Variants in QARS1 observed in about 807,000 individuals in gnomAD.
QARS1 encodes glutaminyl-tRNA synthetase 1.
Under a neutral mutation model 106.9 loss-of-function variants are expected in QARS1, and 79 were observed. The ratio of observed to expected loss-of-function variants is 0.74; its 90% CI spans 0.62 to 0.89. The LOEUF is 0.89. Among genes scored for constraint, QARS1 ranks in the 40% least tolerant of loss-of-function variants. The probability of loss-of-function intolerance (pLI) is 0.00; values close to 1 mark genes in which losing one functional copy is unlikely to be tolerated. For missense variants in QARS1, 966 were observed against 997.2 expected, an observed-to-expected ratio of 0.97 and a Z score of 0.42; for synonymous variants, 395 against 367.7, an observed-to-expected ratio of 1.07 and a Z score of -0.85.
rs1456791515 is a variant in QARS1, at chr3:49,099,842, G to T, written c.1307C>A (p.Pro436His). The change falls in exon 15 of 24, where the codon CCC becomes CAC. Residue 436 changes from proline (P) to histidine (H), a missense_variant. Coordinates refer to ENST00000306125, the MANE Select transcript of QARS1 (RefSeq NM_005051.3). ...GAGGCAGTGTGTGTAGTCGTAGGTG[G>T]GATAGATGCACCTGTGGGGCATAGG... ...HRTGDKWCIY[P>H]TYDYTHCLCD... 1 of 1,613,866 alleles carries T rather than the reference G, an allele frequency of 6.2e-7. No individual in the cohort carries two copies. Among genetic ancestry groups the T allele is most frequent in the Admixed American group, 1.7e-5 (1 of 59,998 alleles).
At position 49,099,782 on chromosome 3, in the gene QARS1, C is replaced by T; in HGVS notation, c.1367G>A (p.Cys456Tyr). The T allele has an allele frequency of 6.2e-7, 1 of 1,613,984 alleles. No homozygotes were observed. Among genetic ancestry groups the T allele is most frequent in the Non-Finnish European group, 8.5e-7 (1 of 1,180,014 alleles). ...DSIEHITHSL[C>Y]TKEFQARRSS... ...TCACCGGGCCTGGAATTCCTTGGTG[C>T]AGAGTGAGTGAGTGATGTGCTCGAT... Residue 456 changes from cysteine (C) to tyrosine (Y), a missense_variant, in exon 15 of 24, where the codon TGC (cysteine) becomes TAC (tyrosine). Physicochemically the swap from Cys to Tyr is radical, Grantham distance 194. Transcript: ENST00000306125.
chr3:49,104,539 A>G, intron 1 of QARS1, 68 bp from the exon 2 acceptor site: 17 of 1,604,068 alleles, frequency 1.1e-5, no homozygotes, highest in Non-Finnish European at 1.3e-5. Flanking sequence ...CAAACGGGGC[A>G]GGTCGGGATC....
chr3:49,103,323 C>T, intron 5 of QARS1, 22 bp downstream of exon 5: 3 of 1,613,380 alleles, frequency 1.9e-6, no homozygotes, highest in Non-Finnish European at 2.5e-6. Flanking sequence ...TTGCCAGCTT[C>T]AGCTTAGTGA....
Position 49,101,903 on chromosome 3 carries a change from T to C in QARS1, c.632-4A>G, listed in dbSNP as rs777272414. The C allele has an allele frequency of 1.3e-5, 21 of 1,607,516 alleles. No individual in the cohort carries two copies. The South Asian group carries it at 2.3e-4, about 18-fold the overall frequency. On this transcript the variant is annotated splice_polypyrimidine_tract_variant and splice_region_variant and intron_variant, in intron 7 of 23. Transcript: ENST00000306125. ...AGGGTCTGGTCAGCAGTCTCGCCTG[T>C]GGGGAACAAAACAAGGAAAACTTGT...
intron 23 of QARS1, among the ~76,000 whole-genome samples, chr3:49,097,500 T>TA (rs909564672): frequency 5.9e-4 from 78 of 131,614 alleles, no homozygotes; most frequent in East Asian, 4.0e-3. Context: ...AAATAATAAT[T>TA]AAAAAAAAAA....
Position 49,098,225 on chromosome 3 carries a change from C to T in QARS1, c.2118G>A (p.Glu706=). Residue 706 remains glutamate (E), a synonymous_variant, in exon 22 of 24, where the codon GAG becomes GAA. Coordinates refer to ENST00000306125, the MANE Select transcript of QARS1 (RefSeq NM_005051.3). ...GGTCACTTAAAAATCCACCAGGCAC[C>T]TCAGTAGGATCTTCAGGGTTCTTGT... ...FQHKNPEDPT[E]VPGGFLSDLN... 1.2e-6 allele frequency: 2 copies of T among 1,614,202 alleles called. No individual in the cohort carries two copies. The highest frequency in any genetic ancestry group is 1.7e-6 in the Non-Finnish European group (2 of 1,180,030).
intron 2 of QARS1, 74 bp from the exon 3 acceptor site, chr3:49,104,046 A>C (rs1490276086): frequency 7.3e-7 from 1 of 1,377,282 alleles, no homozygotes; most frequent in African/African-American, 1.4e-5. Flanking sequence ...TAATCTCATG[A>C]AACTCCAAGG....
rs747163409 is a variant in QARS1, at chr3:49,104,718, A to C, written c.16T>G (p.Ser6Ala). The stretch of plus-strand genomic sequence containing the variant: ...CCGAGGCTAGTGAAGAGCGACAGGG[A>C]GTCTAGAGCCGCCATTGCAGAGACA... MAALD[S>A]LSLFTSLGLS... Residue 6 changes from serine (S) to alanine (A), a missense_variant, in exon 1 of 24, where the codon TCC (serine) becomes GCC (alanine). Ser to Ala is a moderately conservative substitution (Grantham distance 99, BLOSUM62 1). Transcript: ENST00000306125. The C allele has an allele frequency of 1.2e-6, 2 of 1,612,486 alleles. No homozygotes were observed. The highest frequency in any genetic ancestry group is 2.7e-5 in the African/African-American group (2 of 74,888).
chr3:49,096,066 C>CTGGA lies in QARS1; in HGVS notation c.2290_2291insTCCA (p.Arg764LeufsTer19). 1 of 1,613,782 alleles carries CTGGA rather than the reference C, an allele frequency of 6.2e-7. No individual in the cohort carries two copies. Among genetic ancestry groups the CTGGA allele is most frequent in the Admixed American group, 1.7e-5 (1 of 59,966 alleles). On this transcript the variant is annotated frameshift_variant, in exon 24 of 24. Transcript: ENST00000306125. LOFTEE classifies it high-confidence loss of function. The stretch of plus-strand genomic sequence containing the variant: ...TGGGTCTTCCTTCAGTGTGACAGTT[C>CTGGA]GGTTAAAGACAAGCTGGAGGGCAGA...
At position 49,098,615 on chromosome 3, in the gene QARS1, C is replaced by T. The variant is rs771253717; in HGVS notation, c.1941G>A (p.Leu647=). ...TGGCTCTCACCTTGACAACATGCTG[C>T]AGCTCAATGACGTAGCCTGTATGCC... ...GLRHTGYVIE[L]QHVVKGPSGC... Residue 647 remains leucine (L), a synonymous_variant, in exon 20 of 24, where the codon CTG becomes CTA. Transcript: ENST00000306125. 1.2e-6 allele frequency: 2 copies of T among 1,611,354 alleles called. No homozygotes were observed. The highest frequency in any genetic ancestry group is 2.2e-5 in the East Asian group (1 of 44,848).
chr3:49,098,305 G>C, intron 21 of QARS1, 47 bp from the exon 22 acceptor site: 2 of 1,614,214 alleles, frequency 1.2e-6, no homozygotes, highest in Non-Finnish European at 1.7e-6. Context: ...AGCCATAGCA[G>C]GCAATGTGCA....
Position 49,099,146 on chromosome 3 carries a change from T to G in QARS1, c.1722A>C (p.Ser574=). The change falls in exon 18 of 24, where the codon TCA becomes TCC. Residue 574 remains serine (S), a synonymous_variant. Transcript: ENST00000306125. ...GAAAGTTGGTGATGATGACCCGTAG[T>G]GACTCCAGCACAGCCATGGCTCGTG... ...TAPRAMAVLE[S]LRVIITNFPA... The G allele has an allele frequency of 6.2e-7, 1 of 1,614,178 alleles. No homozygotes were observed. The highest frequency in any genetic ancestry group is 8.5e-7 in the Non-Finnish European group (1 of 1,180,030).
intron 23 of QARS1, among the ~76,000 whole-genome samples, chr3:49,096,697 G>C (rs1236263264): frequency 6.6e-6 from 1 of 150,584 alleles, no homozygotes; most frequent in East Asian, 1.9e-4. Context: ...CTATTTGGGA[G>C]GCTGAGGCGG....
chr3:49,096,816 A>AAAAAAAAAAAAG (rs2042399015), intron 23 of QARS1, among the ~76,000 whole-genome samples: 4 of 134,776 alleles, frequency 3.0e-5, no homozygotes, highest in Non-Finnish European at 6.5e-5. Context: ...AAAAAAAAAA[A>AAAAAAAAAAAAG]AAAAAAAAAA....
At chr3:49,097,953 C>T (rs1297914216) in intron 23 of QARS1, 39 bp downstream of exon 23, 4 of 1,612,298 alleles carry the variant, frequency 2.5e-6, no homozygotes, top group Middle Eastern at 1.6e-4. Flanking sequence ...CAGCCACTGT[C>T]ACTGCTGCAG....
Position 49,103,374 on chromosome 3 carries a change from T to C in QARS1, c.487A>G (p.Lys163Glu), listed in dbSNP as rs1398173228. 25 of 1,613,980 alleles carry C rather than the reference T, an allele frequency of 1.5e-5. No homozygotes were observed. Among genetic ancestry groups the C allele is most frequent in the Non-Finnish European group, 2.1e-5 (25 of 1,180,032 alleles). ...ARAVLKWADGKMIKNEVDMQV... is the reference protein window; with the variant it reads ...ARAVLKWADGEMIKNEVDMQV... ...ATGTCCACTTCATTCTTGATCATTTTGCCATCTGCCCACTTCAGCACAGCC... is the reference window on the plus strand; with the variant it reads ...ATGTCCACTTCATTCTTGATCATTTCGCCATCTGCCCACTTCAGCACAGCC... The change falls in exon 5 of 24, where the codon AAA becomes GAA. Residue 163 changes from lysine (K) to glutamate (E), a missense_variant. Coordinates refer to ENST00000306125, the MANE Select transcript of QARS1 (RefSeq NM_005051.3).
rs1349179437 is a variant in QARS1, at chr3:49,099,993, C to T, written c.1263G>A (p.Lys421=). The T allele has an allele frequency of 6.2e-7, 1 of 1,614,078 alleles. No individual in the cohort carries two copies. The highest frequency in any genetic ancestry group is 8.5e-7 in the Non-Finnish European group (1 of 1,180,046). ...GKMDPVAYRV[K]YTPHHRTGDK... ...CCCCTGTGCGGTGGTGTGGTGTATA[C>T]TTGACTCGATAGGCTACAGGGTCCA... is the stretch of plus-strand genomic sequence containing the variant. Residue 421 remains lysine (K), a synonymous_variant, in exon 14 of 24, where the codon AAG becomes AAA. Coordinates refer to ENST00000306125, the MANE Select transcript of QARS1 (RefSeq NM_005051.3).
At chr3:49,096,164 C>G (rs1402256558) in intron 23 of QARS1, 85 bp from the exon 24 acceptor site, 73 of 1,405,710 alleles carry the variant, frequency 5.2e-5, no homozygotes, top group East Asian at 9.2e-5. Context: ...ACACCTCCCC[C>G]TAACATCCTT....
At chr3:49,102,074 G>A in intron 7 of QARS1, 131 bp downstream of exon 7, 1 of 1,356,208 alleles carries the variant, frequency 7.4e-7, no homozygotes, top group Non-Finnish European at 1.0e-6. Flanking sequence ...AGAAACACCA[G>A]GAATCCCAGT....
Sources: gnomAD v4.1 joint callset for allele counts (sites outside exome capture counted in the v4.1 genomes callset) on GRCh38, gnomAD v4.1.1 for gene constraint, MANE v1.5 for transcripts, NCBI Gene and HGNC (gene_info 2026-07-23, HGNC 2026-07-21) for gene names.